The following ZBTB43 variants were observed in gnomAD, a reference collection of about 807,000 sequenced individuals.
ZBTB43 encodes the protein zinc finger and BTB domain-containing protein 43.
Under a neutral mutation model 31.1 loss-of-function variants are expected in ZBTB43, and 6 were observed. The ratio of observed to expected loss-of-function variants is 0.19; its 90% confidence interval spans 0.11 to 0.38. ZBTB43 has a LOEUF of 0.38. ZBTB43 is among the 10% of genes least tolerant of loss of function. The pLI is 1.00. For missense variants in ZBTB43, 379 were observed against 602.1 expected, an observed-to-expected ratio of 0.63 and a Z score of 3.88; for synonymous variants, 212 against 221.7, an observed-to-expected ratio of 0.96 and a Z score of 0.39.
intron 2 of ZBTB43, among the ~76,000 whole-genome samples, chr9:126,818,177 C>G (rs754987770): frequency 6.7e-6 from 1 of 148,304 alleles, no homozygotes; most frequent in Non-Finnish European, 1.5e-5. Context: ...GGCTGGACTA[C>G]ACTGGTGGGA....
At chr9:126,808,128 G>A (rs1208529454) in intron 1 of ZBTB43, among the ~76,000 whole-genome samples, 2 of 152,096 alleles carry the variant, frequency 1.3e-5, no homozygotes, top group Non-Finnish European at 2.9e-5. Context: ...GCACGTGAGG[G>A]TACAGTTAAA....
upstream of ZBTB43, chr9:126,804,898 C>A (rs530548039): frequency 7.9e-5 from 12 of 152,642 alleles, no homozygotes; most frequent in Middle Eastern, 3.4e-3. Context: ...GCGCCCGCTA[C>A]CTCCGCGCTC....
At chr9:126,829,861 A>G (rs1338692102) in intron 2 of ZBTB43, among the ~76,000 whole-genome samples, 1 of 152,224 alleles carries the variant, frequency 6.6e-6, no homozygotes, top group Non-Finnish European at 1.5e-5. Context: ...TAGTCTACTC[A>G]TTTATATAGT....
Position 126,832,711 on chromosome 9 carries a change from A to G in ZBTB43, c.202A>G (p.Arg68Gly), listed in dbSNP as rs1202798321. 14 of 1,614,056 alleles carry G rather than the reference A, an allele frequency of 8.7e-6. No individual in the cohort carries two copies. The highest frequency in any genetic ancestry group is 1.1e-5 in the Non-Finnish European group (13 of 1,180,056). Reference protein sequence around the residue: ...FCDQVLLKNSRRIVLPDVMNP... With the variant: ...FCDQVLLKNSGRIVLPDVMNP... Reference sequence around the variant, plus strand: ...TGACCAGGTACTCCTGAAAAACAGCAGGAGAATTGTTTTGCCTGATGTGAT... The same window carrying G: ...TGACCAGGTACTCCTGAAAAACAGCGGGAGAATTGTTTTGCCTGATGTGAT... The change falls in exon 3 of 3, where the codon AGG becomes GGG. Residue 68 changes from arginine to glycine, a missense_variant. Arg to Gly is a moderately radical substitution (Grantham distance 125). Coordinates refer to ENST00000373464, the MANE Select transcript of ZBTB43 (RefSeq NM_014007.4).
chr9:126,814,884 G>A (rs779101856), intron 2 of ZBTB43, among the ~76,000 whole-genome samples: 3 of 149,616 alleles, frequency 2.0e-5, no homozygotes, highest in Admixed American at 6.7e-5. Context: ...AGGCCTTTCC[G>A]CCCCCTCCCC....
At chr9:126,814,628 C>A (rs1282985642) in intron 2 of ZBTB43, among the ~76,000 whole-genome samples, 1 of 151,898 alleles carries the variant, frequency 6.6e-6, no homozygotes, top group Non-Finnish European at 1.5e-5. Context: ...ACTGTCTCTA[C>A]TAAAAATACA....
intron 2 of ZBTB43, among the ~76,000 whole-genome samples, chr9:126,826,788 G>A (rs1294059260): frequency 6.6e-6 from 1 of 152,170 alleles, no homozygotes; most frequent in South Asian, 2.1e-4. Flanking sequence ...TATAGTTTCT[G>A]TCTCCTTATT....
intron 2 of ZBTB43, among the ~76,000 whole-genome samples, chr9:126,829,514 T>C (rs571956633): frequency 3.9e-5 from 6 of 152,276 alleles, no homozygotes; most frequent in South Asian, 4.2e-4. Flanking sequence ...CTCCAAGATA[T>C]ATTAAGTGAC....
At chr9:126,823,153 T>G (rs1285127565) in intron 2 of ZBTB43, among the ~76,000 whole-genome samples, 1 of 152,188 alleles carries the variant, frequency 6.6e-6, no homozygotes, top group East Asian at 1.9e-4. Flanking sequence ...AGTCTTCTAT[T>G]TCCTTATAGA....
At position 126,834,018 on chromosome 9, in the gene ZBTB43, TA is replaced by T. The variant is rs373630242; in HGVS notation, c.*116del. On this transcript the variant is annotated 3_prime_UTR_variant, in exon 3 of 3. Coordinates refer to ENST00000373464, the MANE Select transcript of ZBTB43 (RefSeq NM_014007.4). ...GCTACTTGCTATTATGAGAGAAGCT[TA>T]AAAAAAAAAAGGAAGATATTTCTGA... The T allele has an allele frequency of 0.04, 36,532 of 905,846 alleles. No individual in the cohort carries two copies. Among genetic ancestry groups the T allele is most frequent in the South Asian group, 0.054 (1,918 of 35,780 alleles). 56.1% of individuals were successfully genotyped at this position (905,846 alleles called of 1,614,324 possible). A position where few individuals can be genotyped will look rare whatever the true frequency, so the allele number is the denominator to read the frequency against.
chr9:126,808,982 A>C (rs1290749213), intron 2 of ZBTB43, 67 bp downstream of exon 2: 1 of 152,190 alleles, frequency 6.6e-6, no homozygotes, highest in Non-Finnish European at 1.5e-5. Flanking sequence ...CTCTTTTAGC[A>C]AAAATAATAA....
chr9:126,810,949 G>A (rs915245365), intron 2 of ZBTB43, among the ~76,000 whole-genome samples: 1 of 151,760 alleles, frequency 6.6e-6, no homozygotes. Flanking sequence ...AGCCAGGCAC[G>A]ATGGCTCATG....
chr9:126,825,840 ATATT>A (rs1373806091), intron 2 of ZBTB43, among the ~76,000 whole-genome samples: 18 of 106,168 alleles, frequency 1.7e-4, no homozygotes, highest in African/African-American at 6.6e-4. Context: ...GTTCCTTTTT[ATATT>A]TTTTTTTTTT....
chr9:126,807,610 A>G (rs189947601), intron 1 of ZBTB43, among the ~76,000 whole-genome samples: 2 of 152,114 alleles, frequency 1.3e-5, no homozygotes, highest in East Asian at 3.9e-4. Flanking sequence ...ATTTTCATGA[A>G]CTTTTTTTTT....
rs1170334491 is a variant in ZBTB43, at chr9:126,815,652, CTCTCTCT to C, written c.-24+6739_-24+6745del. ...AGATGTTTTATTTGGGTCTCTCTCTCTCTCTCTTTTTTTTTTTTTCAATAGTTTCCCT... is the reference window on the plus strand; with the variant it reads ...AGATGTTTTATTTGGGTCTCTCTCTCTTTTTTTTTTTTCAATAGTTTCCCT... On this transcript the variant is annotated intron_variant, in intron 2 of 2. Transcript: ENST00000373464. Among the ~76,000 whole-genome samples, 28 of 106,374 alleles carry C rather than the reference CTCTCTCT, an allele frequency of 2.6e-4. 1 individual carries two copies. In the East Asian group the frequency reaches 6.6e-3, roughly 25 times the overall value. 69.8% of individuals were successfully genotyped at this position (106,374 alleles called of 152,430 possible). A position where few individuals can be genotyped will look rare whatever the true frequency, so the allele number is the denominator to read the frequency against.
intron 2 of ZBTB43, among the ~76,000 whole-genome samples, chr9:126,831,178 A>C (rs2032754462): frequency 6.6e-6 from 1 of 151,464 alleles, no homozygotes; most frequent in African/African-American, 2.4e-5. Flanking sequence ...CAGGCCCCTC[A>C]CTCCCTGACT....
At position 126,832,798 on chromosome 9, in the gene ZBTB43, G is replaced by A. The variant is rs781313323; in HGVS notation, c.289G>A (p.Ala97Thr). Residue 97 changes from alanine (A) to threonine (T), a missense_variant, in exon 3 of 3, where the codon GCT becomes ACT. Around this residue, in one of 5 missense-constraint regions of ZBTB43, gnomAD observed 79 missense variants for 134.4 expected, o/e 0.59. Coordinates refer to ENST00000373464, the MANE Select transcript of ZBTB43 (RefSeq NM_014007.4). ...TTATACAGGACGTCTAGTAATGCCC[G>A]CTCCAGAAATTGTTAGTTACTTGAC... ...SSYTGRLVMP[A>T]PEIVSYLTAA... 8.1e-6 allele frequency: 13 copies of A among 1,613,994 alleles called. No homozygotes were observed. The highest frequency in any genetic ancestry group is 5.0e-5 in the Admixed American group (3 of 59,996).
chr9:126,804,666 G>C (rs2032081635), upstream of ZBTB43, among the ~76,000 whole-genome samples: 1 of 152,154 alleles, frequency 6.6e-6, no homozygotes, highest in Non-Finnish European at 1.5e-5. Flanking sequence ...TGTATGTTTT[G>C]TAGAGACAGG....
At chr9:126,825,667 T>C (rs778956022) in intron 2 of ZBTB43, among the ~76,000 whole-genome samples, 1 of 152,028 alleles carries the variant, frequency 6.6e-6, no homozygotes, top group Non-Finnish European at 1.5e-5. Flanking sequence ...CTAAATGGAC[T>C]CATTTAGGTT....
Sources: allele counts gnomAD v4.1 joint callset (sites outside exome capture counted in the v4.1 genomes callset), GRCh38; gene constraint gnomAD v4.1.1; regional missense constraint gnomAD v4.1.1; transcripts MANE v1.5; gene names NCBI Gene and HGNC (gene_info 2026-07-23, HGNC 2026-07-21).